Variants in SHISA9 observed in about 807,000 individuals in gnomAD.
The protein encoded by SHISA9 is protein shisa-9.
In SHISA9, 13 loss-of-function variants were observed where a neutral mutation model predicts 38.0. That is an observed-to-expected ratio of 0.34 (90% CI 0.22 to 0.54). The LOEUF (loss-of-function observed/expected upper bound fraction) is 0.54. SHISA9 is among the 20% of genes least tolerant of loss of function. The probability of loss-of-function intolerance (pLI) is 0.91; values close to 1 mark genes in which losing one functional copy is unlikely to be tolerated. For synonymous variants in SHISA9, 275 were observed against 242.0 expected (o/e 1.14, Z -1.27); for missense variants, 538 against 575.8 (o/e 0.93, Z 0.67).
At chr16:13,399,494 T>C in the SHISA9 span, among the ~76,000 whole-genome samples, 1 of 152,198 alleles carries the variant, frequency 6.6e-6, no homozygotes, top group Non-Finnish European at 1.5e-5. Flanking sequence ...CAGTTATTTT[T>C]GTGAGTCCCC....
chr16:13,510,536 A>T, the SHISA9 span, among the ~76,000 whole-genome samples: 1 of 152,194 alleles, frequency 6.6e-6, no homozygotes, highest in East Asian at 1.9e-4. Context: ...ACTGCCAAAC[A>T]TTTTCTTACT....
chr16:13,505,795 A>G, the SHISA9 span, among the ~76,000 whole-genome samples: 2 of 152,200 alleles, frequency 1.3e-5, no homozygotes, highest in Non-Finnish European at 2.9e-5. Context: ...TCTTAACAGA[A>G]CAAATCATGA....
chr16:13,442,527 C>T, the SHISA9 span, among the ~76,000 whole-genome samples: 2 of 152,070 alleles, frequency 1.3e-5, no homozygotes, highest in Non-Finnish European at 1.5e-5. Context: ...AGGCTGGTCT[C>T]GAACTGACTT....
intron 2 of SHISA9, among the ~76,000 whole-genome samples, chr16:13,053,876 G>C (rs993685870): frequency 1.3e-5 from 2 of 152,120 alleles, no homozygotes; most frequent in African/African-American, 4.8e-5. Flanking sequence ...CTCTAAAGAT[G>C]GTTAAAGATT....
intron 2 of SHISA9, among the ~76,000 whole-genome samples, chr16:13,095,492 G>A (rs990388882): frequency 6.6e-6 from 1 of 152,236 alleles, no homozygotes; most frequent in African/African-American, 2.4e-5. Flanking sequence ...AAGGGAAATG[G>A]TGGTGGTTAG....
chr16:13,200,440 ACAGCAGCAGCAG>A (rs771736127), intron 2 of SHISA9, among the ~76,000 whole-genome samples: 6 of 150,036 alleles, frequency 4.0e-5, no homozygotes, highest in African/African-American at 1.5e-4. Context: ...ACACACACAC[ACAGCAGCAGCAG>A]CAGCAGCAGC....
At chr16:13,395,366 C>T in the SHISA9 span, among the ~76,000 whole-genome samples, 72,875 of 152,072 alleles carry the variant, frequency 0.48, 17,557 homozygotes, top group East Asian at 0.57. Context: ...ACAGCACCAA[C>T]TTATTATCTC....
At chr16:12,914,797 G>A (rs918955077) in intron 1 of SHISA9, among the ~76,000 whole-genome samples, 4 of 152,172 alleles carry the variant, frequency 2.6e-5, no homozygotes, top group Admixed American at 1.3e-4. Flanking sequence ...GCAGATTCTT[G>A]CAGGTTGCTG....
chr16:13,547,522 T>TG, the SHISA9 span, among the ~76,000 whole-genome samples: 2 of 152,148 alleles, frequency 1.3e-5, no homozygotes, highest in Non-Finnish European at 2.9e-5. Flanking sequence ...TGATATACAA[T>TG]GGCAGAAGAT....
intron 2 of SHISA9, among the ~76,000 whole-genome samples, chr16:13,059,422 T>C (rs1023531642): frequency 1.3e-5 from 2 of 152,148 alleles, no homozygotes; most frequent in African/African-American, 4.8e-5. Context: ...CCACCGCACC[T>C]GGCCTATCAG....
At chr16:13,246,023 C>G in the SHISA9 span, among the ~76,000 whole-genome samples, 381 of 152,310 alleles carry the variant, frequency 2.5e-3, no homozygotes, top group Admixed American at 4.1e-3. Context: ...ACAAACCTCA[C>G]TGTCCCAGAA....
At chr16:13,451,939 G>C in the SHISA9 span, among the ~76,000 whole-genome samples, 1 of 152,196 alleles carries the variant, frequency 6.6e-6, no homozygotes, top group African/African-American at 2.4e-5. Flanking sequence ...AAGGAGAAGG[G>C]GAAGGGAGAA....
the SHISA9 span, among the ~76,000 whole-genome samples, chr16:13,506,673 G>T: frequency 6.6e-6 from 1 of 152,012 alleles, no homozygotes; most frequent in South Asian, 2.1e-4. Context: ...AGAGAAAGGG[G>T]ATTAGAAGGT....
At chr16:13,467,232 T>TG in the SHISA9 span, among the ~76,000 whole-genome samples, 17 of 151,918 alleles carry the variant, frequency 1.1e-4, no homozygotes, top group African/African-American at 1.9e-4. Context: ...GCCTTCTATG[T>TG]GGGGGGGTAG....
At chr16:13,548,891 A>G in the SHISA9 span, among the ~76,000 whole-genome samples, 2 of 152,310 alleles carry the variant, frequency 1.3e-5, no homozygotes, top group Middle Eastern at 3.4e-3. Context: ...AAATGAAGGT[A>G]TGAAAGATAT....
chr16:13,033,293 C>T (rs2073013874), intron 2 of SHISA9, among the ~76,000 whole-genome samples: 1 of 152,074 alleles, frequency 6.6e-6, no homozygotes, highest in Non-Finnish European at 1.5e-5. Flanking sequence ...GAAGGTGGTT[C>T]TCCAAAGGAA....
chr16:13,097,112 G>T (rs2073835646), intron 2 of SHISA9, among the ~76,000 whole-genome samples: 1 of 152,172 alleles, frequency 6.6e-6, no homozygotes, highest in Admixed American at 6.5e-5. Context: ...ATAAGTGTTT[G>T]TTGAATGACT....
At chr16:13,429,480 C>A in the SHISA9 span, among the ~76,000 whole-genome samples, 2 of 152,164 alleles carry the variant, frequency 1.3e-5, no homozygotes, top group Non-Finnish European at 2.9e-5. Flanking sequence ...GTCTTCACAT[C>A]GTCTTCCTTC....
the SHISA9 span, among the ~76,000 whole-genome samples, chr16:13,541,014 C>T: frequency 2.0e-5 from 3 of 152,090 alleles, no homozygotes; most frequent in African/African-American, 4.8e-5. Context: ...ACCTACTACC[C>T]GGGTGTCGGG....
Sources: allele counts gnomAD v4.1 joint callset (sites outside exome capture counted in the v4.1 genomes callset), GRCh38; gene constraint gnomAD v4.1.1; transcripts MANE v1.5; gene names NCBI Gene and HGNC (gene_info 2026-07-23, HGNC 2026-07-21).